The following GLDN variants were observed in gnomAD, a reference collection of about 807,000 sequenced individuals.
The protein encoded by GLDN is collomin.
GLDN carries 47 observed loss-of-function variants against 56.5 expected under a neutral mutation model. The ratio of observed to expected loss-of-function variants is 0.83; its 90% confidence interval spans 0.66 to 1.06. The LOEUF is 1.06. GLDN is among the 50% of genes least tolerant of loss of function. The probability of loss-of-function intolerance (pLI) is 0.00; values close to 1 mark genes in which losing one functional copy is unlikely to be tolerated. For missense variants in GLDN, 782 were observed against 714.3 expected (o/e 1.09, Z -1.08); for synonymous variants, 332 against 278.8 (o/e 1.19, Z -1.90).
intron 1 of GLDN, among the ~76,000 whole-genome samples, chr15:51,344,862 G>T (rs1243549280): frequency 6.6e-6 from 1 of 152,188 alleles, no homozygotes; most frequent in Non-Finnish European, 1.5e-5. Context: ...CCAGAACCTG[G>T]TTGGCAGCTG....
chr15:51,364,461 C>G (rs757664558), intron 1 of GLDN, among the ~76,000 whole-genome samples: 3 of 152,146 alleles, frequency 2.0e-5, no homozygotes, highest in Non-Finnish European at 4.4e-5. Flanking sequence ...CTCACTGCAG[C>G]CTTGAACTCC....
rs146247479 is a variant in GLDN, at chr15:51,404,742, C to G, written c.1644C>G (p.Thr548=). ...ATCCTGTGCAGTTTTTGTCAACTAC[C>G]TTAAATCAGTGATGTGCTGCATTCG... The part of the protein sequence containing the change: ...MLYPVQFLST[T]LNQ The change falls in exon 10 of 10, where the codon ACC becomes ACG. Residue 548 remains threonine, a synonymous_variant. Coordinates refer to ENST00000335449, the MANE Select transcript of GLDN (RefSeq NM_181789.4). 4.5e-6 allele frequency: 7 copies of G among 1,560,418 alleles called. No homozygotes were observed. Among genetic ancestry groups the G allele is most frequent in the Middle Eastern group, 1.7e-4 (1 of 5,946 alleles).
At chr15:51,384,040 G>A (rs1020263357) in intron 4 of GLDN, 148 bp downstream of exon 4, 38 of 712,192 alleles carry the variant, frequency 5.3e-5, no homozygotes, top group South Asian at 3.9e-4. Context: ...AAGCCATTGC[G>A]TTCCGGGATA....
intron 1 of GLDN, among the ~76,000 whole-genome samples, chr15:51,363,691 G>T (rs984491986): frequency 6.6e-6 from 1 of 152,216 alleles, no homozygotes; most frequent in African/African-American, 2.4e-5. Context: ...CCCAGTGGGC[G>T]ATCAGGAAGC....
intron 2 of GLDN, among the ~76,000 whole-genome samples, chr15:51,380,664 G>A (rs1453329264): frequency 1.3e-5 from 2 of 152,098 alleles, no homozygotes; most frequent in African/African-American, 2.4e-5. Context: ...ATCTAGCTGC[G>A]GGGAATTAGA....
At chr15:51,366,574 C>G (rs2037406149) in intron 1 of GLDN, among the ~76,000 whole-genome samples, 1 of 152,236 alleles carries the variant, frequency 6.6e-6, no homozygotes, top group Admixed American at 6.5e-5. Context: ...ATTCAGTTGT[C>G]AAACTGAGCT....
At position 51,406,318 on chromosome 15, in the gene GLDN, G is replaced by A. The variant is rs934856139; in HGVS notation, c.*1564G>A. 6.6e-6 allele frequency: 1 copy of A among 152,162 alleles called. No individual in the cohort carries two copies. The highest frequency in any genetic ancestry group is 2.4e-5 in the African/African-American group (1 of 41,414). 9.4% of individuals were successfully genotyped at this position (152,162 alleles called of 1,614,324 possible). A position where few individuals can be genotyped will look rare whatever the true frequency, so the allele number is the denominator to read the frequency against. ...CAGCCCAGCGCTGCGGCCCCGGGAA[G>A]GGCCACTGCGAATAGAGAGGAAGCT... On this transcript the variant is annotated 3_prime_UTR_variant, in exon 10 of 10. Coordinates refer to ENST00000335449, the MANE Select transcript of GLDN (RefSeq NM_181789.4).
At chr15:51,366,100 C>T (rs2037395960) in intron 1 of GLDN, among the ~76,000 whole-genome samples, 1 of 152,180 alleles carries the variant, frequency 6.6e-6, no homozygotes, top group African/African-American at 2.4e-5. Context: ...AGAACTGTCT[C>T]AGGGTCAGCT....
chr15:51,365,561 C>G (rs2037384513), intron 1 of GLDN, among the ~76,000 whole-genome samples: 1 of 152,074 alleles, frequency 6.6e-6, no homozygotes, highest in Non-Finnish European at 1.5e-5. Context: ...ATTTTACAGA[C>G]AGGTCATCGA....
chr15:51,389,911 G>A (rs920004422), intron 4 of GLDN, among the ~76,000 whole-genome samples: 1 of 152,146 alleles, frequency 6.6e-6, no homozygotes, highest in African/African-American at 2.4e-5. Context: ...AGGCAACCAG[G>A]AGCCATTATA....
chr15:51,383,615 C>T (rs1436732979), intron 3 of GLDN, among the ~76,000 whole-genome samples, 162 bp downstream of exon 3: 2 of 152,158 alleles, frequency 1.3e-5, no homozygotes, highest in African/African-American at 4.8e-5. Flanking sequence ...CATCACCATC[C>T]CCCCACTTGG....
chr15:51,402,049 A>C (rs1402507342), intron 9 of GLDN, among the ~76,000 whole-genome samples: 1 of 152,206 alleles, frequency 6.6e-6, no homozygotes, highest in Admixed American at 6.5e-5. Context: ...AGAGAGAAGC[A>C]GCCCGAACTC....
chr15:51,385,962 C>G (rs1313969059), intron 4 of GLDN, among the ~76,000 whole-genome samples: 2 of 152,096 alleles, frequency 1.3e-5, no homozygotes, highest in Non-Finnish European at 2.9e-5. Flanking sequence ...CTATGCCTGA[C>G]ATATGGATGA....
chr15:51,359,715 G>A (rs28872514), intron 1 of GLDN, among the ~76,000 whole-genome samples: 5,552 of 152,206 alleles, frequency 0.036, 336 homozygotes, highest in African/African-American at 0.13. Context: ...GGTGGCTCAT[G>A]CCTGTAATCC....
At chr15:51,360,873 T>C (rs1417583419) in intron 1 of GLDN, among the ~76,000 whole-genome samples, 1 of 152,166 alleles carries the variant, frequency 6.6e-6, no homozygotes, top group Non-Finnish European at 1.5e-5. Context: ...AGGAAGTAGG[T>C]TGAGAAAACA....
intron 4 of GLDN, among the ~76,000 whole-genome samples, chr15:51,386,079 T>C (rs1331902187): frequency 2.0e-5 from 3 of 152,140 alleles, no homozygotes; most frequent in African/African-American, 7.2e-5. Flanking sequence ...TGTTTGTCAC[T>C]GGAGGGTGAC....
intron 9 of GLDN, among the ~76,000 whole-genome samples, chr15:51,403,230 C>T (rs1035981310): frequency 5.9e-5 from 9 of 152,186 alleles, no homozygotes; most frequent in African/African-American, 2.2e-4. Flanking sequence ...AGATGGGTCT[C>T]ACCAAGGAAT....
chr15:51,383,483 G>A, intron 3 of GLDN, 30 bp downstream of exon 3: 3 of 1,613,008 alleles, frequency 1.9e-6, no homozygotes, highest in Non-Finnish European at 2.5e-6. Context: ...CTAGTTCAAG[G>A]GGAGGCTGTG....
At chr15:51,346,429 G>A (rs903521117) in intron 1 of GLDN, among the ~76,000 whole-genome samples, 6 of 152,192 alleles carry the variant, frequency 3.9e-5, no homozygotes, top group Non-Finnish European at 8.8e-5. Flanking sequence ...CACCAGGGAG[G>A]AAGAATGAAT....
Sources: gnomAD v4.1 joint callset for allele counts (sites outside exome capture counted in the v4.1 genomes callset) on GRCh38, gnomAD v4.1.1 for gene constraint, MANE v1.5 for transcripts, NCBI Gene and HGNC (gene_info 2026-07-23, HGNC 2026-07-21) for gene names.